Variants in RPL30 observed in about 807,000 individuals in gnomAD.
RPL30 encodes large ribosomal subunit protein eL30.
For synonymous variants in RPL30, 40 were observed against 50.4 expected, an observed-to-expected ratio of 0.79 and a Z score of 0.87; for missense variants, 60 against 138.0, an observed-to-expected ratio of 0.43 and a Z score of 2.83.
In RPL30 at chr8:98,041,822, T is replaced by C. The variant is rs752161188; in HGVS notation, c.327A>G (p.Pro109=). 5 of 1,606,316 alleles carry C rather than the reference T, an allele frequency of 3.1e-6. No individual in the cohort carries two copies. Among genetic ancestry groups the C allele is most frequent in the South Asian group, 1.1e-5 (1 of 89,000 alleles). The change falls in exon 5 of 5, where the codon CCA becomes CCG. Residue 109 remains proline, a synonymous_variant. Transcript: ENST00000287038. ...AGGTTTACTTTTCACCAGTCTGTTC[T>C]GGCATGCTTCTAATGATGTCAGAGT... is the stretch of plus-strand genomic sequence containing the variant. ...PGDSDIIRSM[P]EQTGEK
chr8:98,042,244 T>C, intron 4 of RPL30: 1 of 526,996 alleles, frequency 1.9e-6, no homozygotes, highest in Non-Finnish European at 3.7e-6. Context: ...GATTCACAAT[T>C]GGAAAACAGA....
intron 4 of RPL30, 53 bp downstream of exon 4, chr8:98,042,592 C>T: frequency 6.7e-7 from 1 of 1,481,988 alleles, no homozygotes; most frequent in Non-Finnish European, 9.1e-7. Context: ...CTTGTCCAGA[C>T]ATTACATTAG....
chr8:98,042,810 G>T, intron 3 of RPL30, 35 bp from the exon 4 acceptor site: 1 of 1,528,888 alleles, frequency 6.5e-7, no homozygotes. Flanking sequence ...AAATAAATGC[G>T]ATACCAAGTG....
chr8:98,045,134 C>T, intron 2 of RPL30, 46 bp from the exon 3 acceptor site: 1 of 1,595,602 alleles, frequency 6.3e-7, no homozygotes, highest in South Asian at 1.1e-5. Context: ...TCGCCTGCAA[C>T]CGCCTCAAAA....
intron 2 of RPL30, 100 bp from the exon 3 acceptor site, chr8:98,045,188 T>C: frequency 6.5e-7 from 1 of 1,550,238 alleles, no homozygotes; most frequent in Non-Finnish European, 8.8e-7. Flanking sequence ...ACTTCCGAAG[T>C]CGAGGACCCC....
Position 98,045,389 on chromosome 8 carries a change from C to A in RPL30, c.-22G>T, listed in dbSNP as rs1487635768. 3 of 1,614,124 alleles carry A rather than the reference C, an allele frequency of 1.9e-6. No homozygotes were observed. Among genetic ancestry groups the A allele is most frequent in the Non-Finnish European group, 2.5e-6 (3 of 1,179,998 alleles). On this transcript the variant is annotated 5_prime_UTR_variant, in exon 2 of 5. Transcript: ENST00000287038. ...CCATCTTCCTGCCTTAGGAGCGGGA[C>A]GGCCCCCAACCTAGAAGAGACAGAG... is the stretch of plus-strand genomic sequence containing the variant.
chr8:98,043,100 T>A (rs2130481114), intron 3 of RPL30: 1 of 172,940 alleles, frequency 5.8e-6, no homozygotes, highest in African/African-American at 2.4e-5. Flanking sequence ...TACTTTATAT[T>A]TCCATGACAA....
intron 2 of RPL30, 96 bp from the exon 3 acceptor site, chr8:98,045,184 G>T (rs1814453864): frequency 3.2e-6 from 5 of 1,550,870 alleles, no homozygotes; most frequent in Non-Finnish European, 4.4e-6. Flanking sequence ...TTAAACTTCC[G>T]AAGTCGAGGA....
intron 2 of RPL30, 73 bp downstream of exon 2, chr8:98,045,274 C>CGTGA: frequency 6.2e-7 from 1 of 1,604,024 alleles, no homozygotes; most frequent in East Asian, 2.2e-5. Context: ...CCCCCGTGGG[C>CGTGA]TCACATCTGC....
chr8:98,042,799 T>C, intron 3 of RPL30, 24 bp from the exon 4 acceptor site: 1 of 1,549,164 alleles, frequency 6.5e-7, no homozygotes, highest in Non-Finnish European at 8.7e-7. Context: ...AATGGGCAAA[T>C]AAATAAATGC....
intron 4 of RPL30, chr8:98,042,435 G>C (rs1262133020): frequency 9.7e-6 from 5 of 514,180 alleles, no homozygotes; most frequent in South Asian, 4.3e-5. Context: ...TTATCTGACA[G>C]TAAAAATTTT....
intron 4 of RPL30, chr8:98,042,074 A>G (rs773017932): frequency 1.4e-6 from 1 of 693,924 alleles, no homozygotes; most frequent in Admixed American, 1.8e-5. Flanking sequence ...AAATGATCAT[A>G]TAATAAAATT....
chr8:98,045,212 G>A (rs1814454468), intron 2 of RPL30, 124 bp from the exon 3 acceptor site: 1 of 1,536,616 alleles, frequency 6.5e-7, no homozygotes, highest in Non-Finnish European at 8.9e-7. Context: ...TCATTGAGAG[G>A]GCCACTGGGA....
Position 98,045,524 on chromosome 8 carries a change from G to A in RPL30, c.-49C>T, listed in dbSNP as rs922595539. The A allele has an allele frequency of 2.6e-5, 18 of 692,248 alleles. No individual in the cohort carries two copies. The Admixed American group carries it at 3.4e-4, about 13-fold the overall frequency. The allele number at this position is 692,248 out of a possible 1,614,324, so 42.9% of individuals were successfully genotyped here. The stretch of plus-strand genomic sequence containing the variant: ...CCCACTCACCAACAGCAGCCGCTAA[G>A]ATGGCCGGGGAACGAGAAAGGAAAG... On this transcript the variant is annotated 5_prime_UTR_variant, in exon 1 of 5. Coordinates refer to ENST00000287038, the MANE Select transcript of RPL30 (RefSeq NM_000989.4).
chr8:98,042,585 G>A, intron 4 of RPL30, 60 bp downstream of exon 4: 1 of 1,463,374 alleles, frequency 6.8e-7, no homozygotes, highest in East Asian at 2.3e-5. Context: ...AGAAATACTT[G>A]TCCAGACATT....
At chr8:98,042,334 T>C in intron 4 of RPL30, 1 of 438,434 alleles carries the variant, frequency 2.3e-6, no homozygotes, top group Non-Finnish European at 4.3e-6. Context: ...AATTACTTTC[T>C]TCTGTTTTGC....
intron 3 of RPL30, 77 bp from the exon 4 acceptor site, chr8:98,042,852 C>T: frequency 7.2e-7 from 1 of 1,382,080 alleles, no homozygotes; most frequent in Non-Finnish European, 9.7e-7. Context: ...ACTTCTTTTA[C>T]TAGTGTTAAT....
At chr8:98,044,836 C>T (rs975260259) in intron 3 of RPL30, 107 bp downstream of exon 3, 16 of 1,240,184 alleles carry the variant, frequency 1.3e-5, no homozygotes, top group Non-Finnish European at 1.1e-5. Flanking sequence ...CCGTAATTAT[C>T]CTGCAAGTGT....
At chr8:98,041,894 A>C in intron 4 of RPL30, 44 bp from the exon 5 acceptor site, 1 of 1,314,996 alleles carries the variant, frequency 7.6e-7, no homozygotes, top group Non-Finnish European at 1.1e-6. Context: ...CAATTCATTT[A>C]ATAGCAACTG....
Sources: gnomAD v4.1 joint callset for allele counts on GRCh38, gnomAD v4.1.1 for gene constraint, MANE v1.5 for transcripts, NCBI Gene and HGNC (gene_info 2026-07-23, HGNC 2026-07-21) for gene names.